The following KCNQ3 variants were observed in gnomAD, a reference collection of about 807,000 sequenced individuals.
KCNQ3 encodes potassium voltage-gated channel subfamily KQT member 3.
In KCNQ3, 30 loss-of-function variants were observed where a neutral mutation model predicts 92.5. The ratio of observed to expected loss-of-function variants is 0.32; its 90% CI spans 0.24 to 0.44. The LOEUF is 0.44. Among genes scored for constraint, KCNQ3 ranks in the 20% least tolerant of loss-of-function variants. The pLI is 1.00. For synonymous variants in KCNQ3, 450 were observed against 468.8 expected, an observed-to-expected ratio of 0.96 and a Z score of 0.52; for missense variants, 913 against 1,140.3, an observed-to-expected ratio of 0.80 and a Z score of 2.87.
At chr8:132,183,364 C>G (rs1826855951) in intron 3 of KCNQ3, among the ~76,000 whole-genome samples, 3 of 152,076 alleles carry the variant, frequency 2.0e-5, no homozygotes, top group Admixed American at 2.0e-4. Context: ...TGGTGAGCAC[C>G]TTGTGACTAG....
chr8:132,185,101 C>T (rs559052839), intron 2 of KCNQ3, among the ~76,000 whole-genome samples: 6 of 152,296 alleles, frequency 3.9e-5, no homozygotes, highest in Non-Finnish European at 8.8e-5. Flanking sequence ...CACGACAATC[C>T]CTGGAGCCTA....
chr8:132,422,934 AG>A lies in KCNQ3; in HGVS notation c.386+57212del, dbSNP rs1821012716. ...CCATGGAACAGCACACATAGAGAGG[AG>A]CAGGTCCTGAAGGAGGGCAGGAAGG... On this transcript the variant is annotated intron_variant, in intron 1 of 14. Transcript: ENST00000388996. Among the ~76,000 whole-genome samples, 10 of 152,254 alleles carry A rather than the reference AG, an allele frequency of 6.6e-5. No individual in the cohort carries two copies. In the South Asian group the frequency reaches 2.1e-3, roughly 32 times the overall value.
rs550010816 is a variant in KCNQ3 at position 132,191,207 on chromosome 8, C to T, written c.387-5026G>A. ...TGTCACCCAGGTGGGAAGGCAGTGG[C>T]GTGATCATAGCTCATTGTAACCTCC... On this transcript the variant is annotated intron_variant, in intron 1 of 14. Transcript: ENST00000388996. Among the ~76,000 whole-genome samples the T allele has an allele frequency of 9.2e-5, 14 of 152,150 alleles. No homozygotes were observed. The South Asian group carries it at 1.9e-3, about 20-fold the overall frequency.
intron 6 of KCNQ3, among the ~76,000 whole-genome samples, chr8:132,173,156 T>C (rs1826438610): frequency 6.6e-6 from 1 of 152,238 alleles, no homozygotes. Flanking sequence ...ACTTTGACTA[T>C]AGCCGGAACT....
chr8:132,339,029 T>C (rs938118357), intron 1 of KCNQ3, among the ~76,000 whole-genome samples: 2 of 152,152 alleles, frequency 1.3e-5, no homozygotes, highest in Non-Finnish European at 2.9e-5. Context: ...GAAAACTTCC[T>C]CTTCCCGCAT....
At chr8:132,392,790 CAAAAAAAAAA>C (rs56183412) in intron 1 of KCNQ3, among the ~76,000 whole-genome samples, 4 of 72,638 alleles carry the variant, frequency 5.5e-5, no homozygotes, top group East Asian at 4.2e-4. Context: ...GAACCTGTCT[CAAAAAAAAAA>C]AAAAAAAAAA....
intron 1 of KCNQ3, among the ~76,000 whole-genome samples, chr8:132,298,204 G>A (rs184217906): frequency 3.3e-5 from 5 of 152,268 alleles, no homozygotes; most frequent in Admixed American, 2.6e-4. Flanking sequence ...CCCAGAACAT[G>A]AGACTCTTGA....
At chr8:132,266,296 C>T (rs1212747014) in intron 1 of KCNQ3, among the ~76,000 whole-genome samples, 3 of 152,128 alleles carry the variant, frequency 2.0e-5, no homozygotes, top group South Asian at 2.1e-4. Context: ...AATAGTCTCT[C>T]GGCCACCTCA....
At chr8:132,245,493 A>C (rs923161288) in intron 1 of KCNQ3, among the ~76,000 whole-genome samples, 1 of 152,206 alleles carries the variant, frequency 6.6e-6, no homozygotes, top group African/African-American at 2.4e-5. Flanking sequence ...CTAAATATGC[A>C]AGTGTGATAC....
At chr8:132,266,993 G>A (rs1028648141) in intron 1 of KCNQ3, among the ~76,000 whole-genome samples, 2 of 152,134 alleles carry the variant, frequency 1.3e-5, no homozygotes, top group Non-Finnish European at 2.9e-5. Flanking sequence ...TCTAGAAAAG[G>A]AAGGCTAAAG....
At chr8:132,387,656 G>T (rs1360395729) in intron 1 of KCNQ3, among the ~76,000 whole-genome samples, 1 of 152,106 alleles carries the variant, frequency 6.6e-6, no homozygotes, top group Non-Finnish European at 1.5e-5. Context: ...GATATCAAAA[G>T]ATTACTGTCC....
chr8:132,205,582 T>G (rs1027341599), intron 1 of KCNQ3, among the ~76,000 whole-genome samples: 4 of 152,216 alleles, frequency 2.6e-5, no homozygotes, highest in African/African-American at 9.6e-5. Context: ...AGATGCTATC[T>G]TTGATCCCAG....
chr8:132,435,598 T>A (rs757109300), intron 1 of KCNQ3, among the ~76,000 whole-genome samples: 12 of 152,236 alleles, frequency 7.9e-5, no homozygotes, highest in Non-Finnish European at 1.8e-4. Context: ...TAGCCCAAAA[T>A]CAAACTGCGT....
At chr8:132,336,154 G>A (rs1406910786) in intron 1 of KCNQ3, among the ~76,000 whole-genome samples, 2 of 152,166 alleles carry the variant, frequency 1.3e-5, no homozygotes, top group Non-Finnish European at 2.9e-5. Flanking sequence ...CATTCCCATA[G>A]GGCAGGGTCT....
chr8:132,468,348 G>A (rs1304180850), intron 1 of KCNQ3, among the ~76,000 whole-genome samples: 1 of 152,144 alleles, frequency 6.6e-6, no homozygotes, highest in African/African-American at 2.4e-5. Flanking sequence ...TCCTAGCCCA[G>A]GACTTTCAAG....
At chr8:132,372,643 A>G (rs897479415) in intron 1 of KCNQ3, among the ~76,000 whole-genome samples, 5 of 151,456 alleles carry the variant, frequency 3.3e-5, no homozygotes, top group African/African-American at 1.2e-4. Context: ...TGTAATCCCA[A>G]CTGCTCAGGA....
intron 13 of KCNQ3, 35 bp from the exon 14 acceptor site, chr8:132,132,299 T>TATC (rs1824911177): frequency 6.5e-7 from 1 of 1,541,532 alleles, no homozygotes; most frequent in African/African-American, 1.4e-5. Flanking sequence ...AAGATCATTA[T>TATC]ATCTATTTTT....
chr8:132,408,786 G>A (rs1820568733), intron 1 of KCNQ3, among the ~76,000 whole-genome samples: 1 of 152,166 alleles, frequency 6.6e-6, no homozygotes, highest in Non-Finnish European at 1.5e-5. Flanking sequence ...AGGGCACTAG[G>A]CAGCTAGGAG....
chr8:132,411,492 C>T (rs912560668), intron 1 of KCNQ3, among the ~76,000 whole-genome samples: 10 of 152,112 alleles, frequency 6.6e-5, no homozygotes, highest in African/African-American at 2.2e-4. Context: ...AGAAGCAGCT[C>T]TGGAGAGGCA....
Sources: allele counts gnomAD v4.1 joint callset (sites outside exome capture counted in the v4.1 genomes callset), GRCh38; gene constraint gnomAD v4.1.1; transcripts MANE v1.5; gene names NCBI Gene and HGNC (gene_info 2026-07-23, HGNC 2026-07-21).